KIAA1217: variants seen among roughly 807,000 people sequenced by gnomAD.
KIAA1217 encodes KIAA1217.
Under a neutral mutation model 163.9 loss-of-function variants are expected in KIAA1217, and 88 were observed. The ratio of observed to expected loss-of-function variants is 0.54; its 90% confidence interval spans 0.45 to 0.64. The LOEUF (loss-of-function observed/expected upper bound fraction) is 0.64. Ranked by LOEUF, KIAA1217 falls within the 30% of genes least tolerant of loss-of-function variation. KIAA1217 has a pLI of 0.00. For synonymous variants in KIAA1217, 903 were observed against 923.1 expected (o/e 0.98, Z 0.39); for missense variants, 2,372 against 2,475.0 (o/e 0.96, Z 0.88).
intron 2 of KIAA1217, among the ~76,000 whole-genome samples, chr10:24,020,106 G>A (rs1287781638): frequency 6.6e-6 from 1 of 152,072 alleles, no homozygotes; most frequent in Non-Finnish European, 1.5e-5. Flanking sequence ...AACCACATAT[G>A]GTTCCAGAAA....
At chr10:23,944,601 G>A (rs1213441463) in intron 1 of KIAA1217, among the ~76,000 whole-genome samples, 1 of 152,134 alleles carries the variant, frequency 6.6e-6, no homozygotes, top group Non-Finnish European at 1.5e-5. Flanking sequence ...GGATATTAGG[G>A]AAATGCTAAA....
intron 1 of KIAA1217, among the ~76,000 whole-genome samples, chr10:23,975,913 C>T (rs911269510): frequency 3.9e-5 from 6 of 152,220 alleles, no homozygotes; most frequent in Admixed American, 1.3e-4. Flanking sequence ...CCATTGCACC[C>T]ATTTTCTTGA....
chr10:24,442,257 C>G (rs1473399182), intron 5 of KIAA1217, among the ~76,000 whole-genome samples: 1 of 152,162 alleles, frequency 6.6e-6, no homozygotes, highest in Non-Finnish European at 1.5e-5. Flanking sequence ...GTCTAAATAC[C>G]TTGTCTGCAT....
chr10:24,494,486 C>A lies in KIAA1217; in HGVS notation c.1680-14C>A, dbSNP rs1404789212. The stretch of plus-strand genomic sequence containing the variant: ...GTCCATAAAGCTTTAACAAACAATT[C>A]TCTTGTTTTACAGAGAGAGGATGCA... On this transcript the variant is annotated splice_polypyrimidine_tract_variant and intron_variant, in intron 6 of 20. Transcript: ENST00000376454. 1.3e-6 allele frequency: 2 copies of A among 1,599,524 alleles called. No homozygotes were observed. The highest frequency in any genetic ancestry group is 1.7e-6 in the Non-Finnish European group (2 of 1,167,498).
Position 24,501,363 on chromosome 10 carries a change from T to C in KIAA1217, c.1835-16T>C. On this transcript the variant is annotated splice_polypyrimidine_tract_variant and intron_variant, in intron 8 of 20. Coordinates refer to ENST00000376454, the MANE Select transcript of KIAA1217 (RefSeq NM_019590.5). ...CTTTGTGGCCTTCTGAGTTCTCTGATGCACTTTTCTCATAGGAACGCCCCA... is the reference window on the plus strand; with the variant it reads ...CTTTGTGGCCTTCTGAGTTCTCTGACGCACTTTTCTCATAGGAACGCCCCA... 1 of 1,600,110 alleles carries C rather than the reference T, an allele frequency of 6.2e-7. No homozygotes were observed. The highest frequency in any genetic ancestry group is 8.6e-7 in the Non-Finnish European group (1 of 1,168,892).
intron 2 of KIAA1217, among the ~76,000 whole-genome samples, chr10:24,086,616 G>T (rs1332031357): frequency 2.6e-5 from 4 of 152,116 alleles, no homozygotes; most frequent in African/African-American, 7.2e-5. Flanking sequence ...TCATAACTTG[G>T]CTGTTTAATG....
chr10:24,452,459 G>A (rs144325694), intron 5 of KIAA1217, among the ~76,000 whole-genome samples: 148 of 151,584 alleles, frequency 9.8e-4, no homozygotes, highest in African/African-American at 3.3e-3. Flanking sequence ...GGATCATGAG[G>A]TCAGGAGATC....
rs139248926 is a variant in KIAA1217 at position 24,336,559 on chromosome 10, A to G, written c.355-44310A>G. Among the ~76,000 whole-genome samples, 40 of 152,278 alleles carry G rather than the reference A, an allele frequency of 2.6e-4. No homozygotes were observed. In the East Asian group the frequency reaches 7.1e-3, roughly 27 times the overall value. On this transcript the variant is annotated intron_variant, in intron 2 of 20. Transcript: ENST00000376454. ...TGCCCTTCACGATGTGAACCTGAGC[A>G]CTATGATGCCATTCTGTTCAGCATT...
At chr10:24,233,897 C>G (rs1211706423) in intron 2 of KIAA1217, among the ~76,000 whole-genome samples, 1 of 152,074 alleles carries the variant, frequency 6.6e-6, no homozygotes, top group East Asian at 1.9e-4. Flanking sequence ...CTTTTTCTCC[C>G]TGCGTTCCTA....
intron 1 of KIAA1217, among the ~76,000 whole-genome samples, chr10:23,886,717 C>T (rs952187453): frequency 2.0e-5 from 3 of 151,960 alleles, no homozygotes; most frequent in African/African-American, 7.2e-5. Context: ...TTAGCATAGC[C>T]TCTTTTAGAC....
intron 1 of KIAA1217, among the ~76,000 whole-genome samples, chr10:23,728,923 T>G (rs1838319493): frequency 6.6e-6 from 1 of 152,214 alleles, no homozygotes; most frequent in African/African-American, 2.4e-5. Context: ...ACAGCTTCGC[T>G]GCCCTAGAAT....
At chr10:24,423,139 G>A (rs540542463) in intron 3 of KIAA1217, among the ~76,000 whole-genome samples, 28 of 151,900 alleles carry the variant, frequency 1.8e-4, no homozygotes, top group African/African-American at 5.3e-4. Context: ...GGATGGTCTC[G>A]ATCTCCTGAC....
intron 2 of KIAA1217, among the ~76,000 whole-genome samples, chr10:24,098,318 T>G (rs2131707280): frequency 6.6e-6 from 1 of 151,994 alleles, no homozygotes; most frequent in South Asian, 2.1e-4. Flanking sequence ...CATCCTACAC[T>G]TAGAGGAAAA....
In KIAA1217 at chr10:23,714,820, G is replaced by T. The variant is rs558656493; in HGVS notation, c.-321+19586G>T. Among the ~76,000 whole-genome samples the T allele has an allele frequency of 1.2e-4, 19 of 152,168 alleles. 1 individual carries two copies. The South Asian group carries it at 2.1e-3, about 17-fold the overall frequency. On this transcript the variant is annotated intron_variant, in intron 1 of 18. Transcript: ENST00000376462. ...GGGTGGTTTATTGGGGAACTCATGGGCAGAAGCATGGTCTTGGGCAGTCAT... is the reference window on the plus strand; with the variant it reads ...GGGTGGTTTATTGGGGAACTCATGGTCAGAAGCATGGTCTTGGGCAGTCAT...
chr10:24,056,283 G>A (rs985850272), intron 2 of KIAA1217, among the ~76,000 whole-genome samples: 2 of 152,046 alleles, frequency 1.3e-5, no homozygotes, highest in South Asian at 2.1e-4. Context: ...AGCCAAGATC[G>A]CGCCACTCCA....
chr10:23,905,063 C>CTTTTTTTTT (rs562938938), intron 1 of KIAA1217, among the ~76,000 whole-genome samples: 1 of 99,948 alleles, frequency 1.0e-5, no homozygotes, highest in Non-Finnish European at 2.0e-5. Flanking sequence ...TTCTCTTTTC[C>CTTTTTTTTT]TTTTTTTTTT....
chr10:24,173,870 G>T (rs1032533339), intron 2 of KIAA1217, among the ~76,000 whole-genome samples: 1 of 152,278 alleles, frequency 6.6e-6, no homozygotes, highest in Admixed American at 6.5e-5. Context: ...CCTTTTAAAT[G>T]TCCAAATTGC....
At chr10:23,872,399 G>C (rs1020702961) in intron 1 of KIAA1217, among the ~76,000 whole-genome samples, 9 of 152,018 alleles carry the variant, frequency 5.9e-5, no homozygotes, top group Non-Finnish European at 1.3e-4. Context: ...CTTCTAGAAA[G>C]AAAACAAACT....
chr10:23,934,611 A>AG (rs1843434561), intron 1 of KIAA1217, among the ~76,000 whole-genome samples: 1 of 71,148 alleles, frequency 1.4e-5, no homozygotes, highest in Admixed American at 1.5e-4. Context: ...ATATATGTAT[A>AG]TATATATATA....
Sources: allele counts gnomAD v4.1 joint callset (sites outside exome capture counted in the v4.1 genomes callset), GRCh38; gene constraint gnomAD v4.1.1; transcripts MANE v1.5; gene names NCBI Gene and HGNC (gene_info 2026-07-23, HGNC 2026-07-21).